NELL1: variants seen among roughly 807,000 people sequenced by gnomAD.
The protein encoded by NELL1 is neural EGFL like 1.
A neutral mutation model predicts 107.4 loss-of-function variants in NELL1; 76 were observed. That is an observed-to-expected ratio of 0.71 (90% CI 0.59 to 0.86). The LOEUF is 0.86. Ranked by LOEUF, NELL1 falls within the 40% of genes least tolerant of loss-of-function variation. The pLI, the probability that NELL1 is intolerant of heterozygous loss-of-function variation, is 0.00. For synonymous variants in NELL1, 353 were observed against 341.2 expected (o/e 1.03, Z -0.38); for missense variants, 1,024 against 1,005.5 (o/e 1.02, Z -0.25).
intron 15 of NELL1, among the ~76,000 whole-genome samples, chr11:21,416,324 C>T (rs1257869715): frequency 1.3e-5 from 2 of 151,970 alleles, no homozygotes; most frequent in African/African-American, 4.8e-5. Context: ...ATGCTGTAAC[C>T]TTGGGTGAGG....
chr11:20,796,552 A>AATCT (rs199721769), intron 3 of NELL1, among the ~76,000 whole-genome samples: 2 of 10,252 alleles, frequency 2.0e-4, no homozygotes, highest in African/African-American at 2.2e-4. Context: ...TGCCCTAAAA[A>AATCT]ATCTATCCTG....
At chr11:20,882,324 G>A (rs190097493) in intron 4 of NELL1, among the ~76,000 whole-genome samples, 10 of 152,300 alleles carry the variant, frequency 6.6e-5, no homozygotes, top group East Asian at 3.9e-4. Context: ...AATTCTGTGC[G>A]TATCCTTAGC....
chr11:20,854,615 A>G (rs1360246652), intron 4 of NELL1, among the ~76,000 whole-genome samples: 1 of 152,154 alleles, frequency 6.6e-6, no homozygotes, highest in Non-Finnish European at 1.5e-5. Context: ...GATACTGAAT[A>G]TGTACTTTTG....
intron 14 of NELL1, among the ~76,000 whole-genome samples, chr11:21,301,522 T>C (rs1262791530): frequency 6.6e-6 from 1 of 152,206 alleles, no homozygotes; most frequent in African/African-American, 2.4e-5. Context: ...TTCATGTGTC[T>C]TTTGGCTGCA....
intron 15 of NELL1, among the ~76,000 whole-genome samples, chr11:21,469,154 G>A (rs1424776310): frequency 6.6e-6 from 1 of 151,936 alleles, no homozygotes; most frequent in Admixed American, 6.6e-5. Context: ...AAAATTTCAG[G>A]GGCCTGCCTA....
chr11:21,146,725 G>A (rs1269907669), intron 13 of NELL1, among the ~76,000 whole-genome samples: 1 of 152,098 alleles, frequency 6.6e-6, no homozygotes, highest in East Asian at 1.9e-4. Context: ...GGAAGAAAAT[G>A]CAACTCACTT....
At chr11:20,986,100 G>A (rs2134250252) in intron 12 of NELL1, among the ~76,000 whole-genome samples, 1 of 152,110 alleles carries the variant, frequency 6.6e-6, no homozygotes, top group Non-Finnish European at 1.5e-5. Flanking sequence ...TTAATTTGAT[G>A]CCTGTTGGCA....
At chr11:21,521,778 T>C (rs2133956511) in intron 15 of NELL1, among the ~76,000 whole-genome samples, 1 of 152,324 alleles carries the variant, frequency 6.6e-6, no homozygotes, top group African/African-American at 2.4e-5. Context: ...TGTTAATTTT[T>C]GTCTTATTAA....
At chr11:21,336,674 T>TACACACACACACACACAC (rs1555005791) in intron 14 of NELL1, among the ~76,000 whole-genome samples, 2 of 130,526 alleles carry the variant, frequency 1.5e-5, no homozygotes. Context: ...TATATATATA[T>TACACACACACACACACAC]ACACACACAC....
At chr11:21,506,326 A>C (rs929021079) in intron 15 of NELL1, among the ~76,000 whole-genome samples, 1 of 152,134 alleles carries the variant, frequency 6.6e-6, no homozygotes, top group African/African-American at 2.4e-5. Flanking sequence ...GACCTACCCA[A>C]CAATTTACAG....
At chr11:21,496,645 G>A (rs1854988150) in intron 15 of NELL1, among the ~76,000 whole-genome samples, 2 of 152,036 alleles carry the variant, frequency 1.3e-5, no homozygotes, top group Admixed American at 6.6e-5. Flanking sequence ...TCCTGACCTC[G>A]TGATCCACTT....
chr11:21,497,815 A>G (rs7110668), intron 15 of NELL1, among the ~76,000 whole-genome samples: 152,145 of 152,170 alleles, frequency 1, 76,060 homozygotes, highest in Middle Eastern at 1. Flanking sequence ...ATGAGTATTC[A>G]CTCTTTGTAA....
chr11:20,712,922 A>G (rs1855149460), intron 2 of NELL1, among the ~76,000 whole-genome samples: 1 of 152,182 alleles, frequency 6.6e-6, no homozygotes, highest in Non-Finnish European at 1.5e-5. Context: ...TTGGTTGTAA[A>G]TATGTTTAGT....
At chr11:20,678,170 T>G (rs1854108389) in intron 2 of NELL1, 110 bp downstream of exon 2, 1 of 1,268,794 alleles carries the variant, frequency 7.9e-7, no homozygotes. Flanking sequence ...CTATTTCTCT[T>G]GTGTTGCTGT....
intron 15 of NELL1, among the ~76,000 whole-genome samples, chr11:21,477,110 A>AGACACCAGCTTGGTG (rs1854356890): frequency 6.6e-6 from 1 of 152,260 alleles, no homozygotes; most frequent in Non-Finnish European, 1.5e-5. Context: ...TGATGTAGTG[A>AGACACCAGCTTGGTG]GACACCAGCT....
chr11:20,764,709 G>T (rs976934015), intron 2 of NELL1, among the ~76,000 whole-genome samples: 3 of 151,140 alleles, frequency 2.0e-5, no homozygotes, highest in Non-Finnish European at 4.4e-5. Context: ...GCTGAGAACT[G>T]CTCAGCTGGA....
chr11:20,829,381 C>A (rs1857955954), intron 3 of NELL1, among the ~76,000 whole-genome samples: 1 of 152,020 alleles, frequency 6.6e-6, no homozygotes, highest in African/African-American at 2.4e-5. Context: ...CACCCGCCAC[C>A]ACACCTGGCT....
chr11:21,135,709 C>A (rs2133764301), intron 13 of NELL1, among the ~76,000 whole-genome samples: 1 of 152,150 alleles, frequency 6.6e-6, no homozygotes, highest in African/African-American at 2.4e-5. Context: ...GCAACTAAAA[C>A]ATATAACAAC....
chr11:21,311,143 G>A (rs1048078121), intron 14 of NELL1, among the ~76,000 whole-genome samples: 2 of 152,056 alleles, frequency 1.3e-5, no homozygotes, highest in Admixed American at 1.3e-4. Context: ...TTTGTAAAAA[G>A]AAATGCATTA....
Sources: gnomAD v4.1 joint callset for allele counts (sites outside exome capture counted in the v4.1 genomes callset) on GRCh38, gnomAD v4.1.1 for gene constraint, MANE v1.5 for transcripts, NCBI Gene and HGNC (gene_info 2026-07-23, HGNC 2026-07-21) for gene names.